SLC4A4: variants seen among roughly 807,000 people sequenced by gnomAD.
SLC4A4 encodes the protein solute carrier family 4 member 4.
Under a neutral mutation model 111.5 loss-of-function variants are expected in SLC4A4, and 27 were observed. That is an observed-to-expected ratio of 0.24 (90% CI 0.18 to 0.33). The LOEUF (loss-of-function observed/expected upper bound fraction) is 0.33. Among genes scored for constraint, SLC4A4 ranks in the 10% least tolerant of loss-of-function variants. The probability of loss-of-function intolerance (pLI) is 1.00; values close to 1 mark genes in which losing one functional copy is unlikely to be tolerated. For synonymous variants in SLC4A4, 443 were observed against 463.4 expected (o/e 0.96, Z 0.57); for missense variants, 909 against 1,315.5 (o/e 0.69, Z 4.78).
At chr4:71,298,670 C>T (rs1051731184) in intron 3 of SLC4A4, among the ~76,000 whole-genome samples, 2 of 151,876 alleles carry the variant, frequency 1.3e-5, no homozygotes, top group African/African-American at 2.4e-5. Flanking sequence ...AGTTTCACAT[C>T]CTGGAAAATG....
chr4:71,121,639 ATTG>A (rs1743431947), intron 2 of SLC4A4, among the ~76,000 whole-genome samples: 1 of 152,046 alleles, frequency 6.6e-6, no homozygotes, highest in African/African-American at 2.4e-5. Context: ...TAGCTCAGGG[ATTG>A]TAAATGCACC....
chr4:71,385,753 T>C (rs2148958664), intron 6 of SLC4A4, among the ~76,000 whole-genome samples: 1 of 152,290 alleles, frequency 6.6e-6, no homozygotes, highest in Admixed American at 6.5e-5. Context: ...AGGATACTGA[T>C]ACACCTATGG....
intron 2 of SLC4A4, among the ~76,000 whole-genome samples, chr4:71,144,046 C>T (rs564691881): frequency 2.1e-3 from 319 of 152,224 alleles, no homozygotes; most frequent in African/African-American, 7.0e-3. Flanking sequence ...AATGGTATTG[C>T]CTAGGTTTTC....
Position 71,330,445 on chromosome 4 carries a change from C to G in SLC4A4, c.254-8925C>G, listed in dbSNP as rs149035154. 7.3e-3 allele frequency among the ~76,000 whole-genome samples: 1,114 copies of G among 152,282 alleles called. 14 individuals carry two copies. The highest frequency in any genetic ancestry group is 0.024 in the African/African-American group (986 of 41,566). On this transcript the variant is annotated intron_variant, in intron 3 of 25. Coordinates refer to ENST00000264485, the MANE Select transcript of SLC4A4 (RefSeq NM_001098484.3). ...AATAATACCACACATCTACAACTAT[C>G]TGATCTTTGATAAACCTGACAAAAA...
rs1741577477 is a variant in SLC4A4, at chr4:71,068,208, G to A, written c.-65+5420G>A. On this transcript the variant is annotated intron_variant, in intron 1 of 26. Coordinates refer to the SLC4A4 transcript ENST00000649996. ...GCCACCCGAGTAGCTGGGATTACAG[G>A]CAAGTGCCACCACATCTAGCTAATT... 2.6e-5 allele frequency among the ~76,000 whole-genome samples: 4 copies of A among 151,856 alleles called. No individual in the cohort carries two copies. The South Asian group carries it at 8.3e-4, about 32-fold the overall frequency.
At chr4:71,098,812 G>A (rs28824317) in intron 2 of SLC4A4, among the ~76,000 whole-genome samples, 3,514 of 152,158 alleles carry the variant, frequency 0.023, 61 homozygotes, top group Middle Eastern at 0.041. Context: ...AGGGGTTGCA[G>A]TACTAATTTC....
chr4:71,541,457 C>T lies in SLC4A4; in HGVS notation c.2443-4893C>T, dbSNP rs564701324. On this transcript the variant is annotated intron_variant, in intron 18 of 25. Transcript: ENST00000264485. ...ATGTCAAGGAGTAGAAGCAGAATCC[C>T]AATTCAAAGAGTGGCACATAGGAAA... is the stretch of plus-strand genomic sequence containing the variant. Among the ~76,000 whole-genome samples, 18 of 152,080 alleles carry T rather than the reference C, an allele frequency of 1.2e-4. No individual in the cohort carries two copies. The South Asian group carries it at 3.7e-3, about 32-fold the overall frequency.
Position 71,399,106 on chromosome 4 carries a change from A to G in SLC4A4, c.807+1453A>G, listed in dbSNP as rs574022427. On this transcript the variant is annotated intron_variant, in intron 7 of 25. Coordinates refer to ENST00000264485, the MANE Select transcript of SLC4A4 (RefSeq NM_001098484.3). ...AGTAATCTAGAGCAATTTAAAGTGTATATGAGGATGTGTGTAGGTTATATA... is the reference window on the plus strand; with the variant it reads ...AGTAATCTAGAGCAATTTAAAGTGTGTATGAGGATGTGTGTAGGTTATATA... Among the ~76,000 whole-genome samples the G allele has an allele frequency of 4.6e-5, 7 of 152,312 alleles. No homozygotes were observed. The South Asian group carries it at 1.5e-3, about 32-fold the overall frequency.
At chr4:71,325,728 TCTCATTG>T (rs1393940913) in intron 3 of SLC4A4, among the ~76,000 whole-genome samples, 1 of 151,974 alleles carries the variant, frequency 6.6e-6, no homozygotes, top group East Asian at 1.9e-4. Context: ...GTTGTGATAT[TCTCATTG>T]CTCAGACCTG....
chr4:71,461,018 GCT>G (rs1051903384), intron 12 of SLC4A4, among the ~76,000 whole-genome samples: 1 of 152,006 alleles, frequency 6.6e-6, no homozygotes, highest in Non-Finnish European at 1.5e-5. Flanking sequence ...GGTTAATTCT[GCT>G]CTGACTGCTT....
At chr4:71,397,406 A>G (rs1470134461) in intron 6 of SLC4A4, among the ~76,000 whole-genome samples, 171 bp from the exon 7 acceptor site, 1 of 152,190 alleles carries the variant, frequency 6.6e-6, no homozygotes, top group Non-Finnish European at 1.5e-5. Context: ...ACATTTAACT[A>G]TGTTTGTACT....
intron 16 of SLC4A4, among the ~76,000 whole-genome samples, chr4:71,508,193 A>C (rs1391116736): frequency 6.6e-6 from 1 of 152,172 alleles, no homozygotes; most frequent in Non-Finnish European, 1.5e-5. Flanking sequence ...AACCAAGAGC[A>C]AACAAACCCG....
At chr4:71,084,655 T>A (rs1460634596) in intron 1 of SLC4A4, among the ~76,000 whole-genome samples, 3 of 151,962 alleles carry the variant, frequency 2.0e-5, no homozygotes, top group African/African-American at 7.3e-5. Context: ...ACATGCGGTG[T>A]TTGGTTTTTT....
intron 6 of SLC4A4, among the ~76,000 whole-genome samples, chr4:71,394,330 A>G (rs961031785): frequency 7.2e-5 from 11 of 152,122 alleles, no homozygotes; most frequent in African/African-American, 2.4e-4. Flanking sequence ...CCCATCAAAA[A>G]GTGGGCTAAG....
intron 1 of SLC4A4, among the ~76,000 whole-genome samples, chr4:71,233,498 G>A (rs1031369806): frequency 6.6e-6 from 1 of 152,048 alleles, no homozygotes; most frequent in Non-Finnish European, 1.5e-5. Flanking sequence ...GCTTGTAAAT[G>A]TTGGCATGCC....
chr4:71,229,467 T>A (rs1228997416), intron 1 of SLC4A4, among the ~76,000 whole-genome samples: 1 of 152,208 alleles, frequency 6.6e-6, no homozygotes, highest in Non-Finnish European at 1.5e-5. Context: ...AGAATTAGAT[T>A]TGGCGTGATC....
intron 2 of SLC4A4, among the ~76,000 whole-genome samples, chr4:71,099,079 G>A (rs1742642197): frequency 6.6e-6 from 1 of 152,032 alleles, no homozygotes; most frequent in Admixed American, 6.6e-5. Context: ...AAATATTCAG[G>A]ATCTGAACTC....
intron 7 of SLC4A4, among the ~76,000 whole-genome samples, chr4:71,403,800 A>G (rs1720590558): frequency 6.6e-6 from 1 of 152,162 alleles, no homozygotes; most frequent in Admixed American, 6.5e-5. Context: ...TTACATTTTA[A>G]AAAGCTCACT....
chr4:71,176,735 A>G (rs1745106220), intron 2 of SLC4A4, among the ~76,000 whole-genome samples: 1 of 152,248 alleles, frequency 6.6e-6, no homozygotes, highest in Non-Finnish European at 1.5e-5. Flanking sequence ...GGAGAATGGA[A>G]CCAAGTTGGA....
Sources: allele counts gnomAD v4.1 joint callset (sites outside exome capture counted in the v4.1 genomes callset), GRCh38; gene constraint gnomAD v4.1.1; transcripts MANE v1.5; gene names NCBI Gene and HGNC (gene_info 2026-07-23, HGNC 2026-07-21).